The following ZNF721 variants were observed in gnomAD, a reference collection of about 807,000 sequenced individuals.
ZNF721 encodes the protein zinc finger protein 721.
Under a neutral mutation model 2.4 loss-of-function variants are expected in ZNF721, and 2 were observed. The ratio of observed to expected loss-of-function variants is 0.82; its 90% CI spans 0.34 to 2.58. ZNF721 has a LOEUF of 2.58. Ranked by LOEUF, ZNF721 falls within the 30% of genes most tolerant of loss-of-function variation. ZNF721 has a pLI of 0.11. For missense variants in ZNF721, 1,187 were observed against 1,085.5 expected (o/e 1.09, Z -1.31); for synonymous variants, 398 against 381.8 (o/e 1.04, Z -0.50).
intron 1 of ZNF721, among the ~76,000 whole-genome samples, chr4:493,134 T>C: frequency 6.6e-6 from 1 of 151,558 alleles, no homozygotes. Context: ...TAATTTAAAG[T>C]TGTGAAACCG....
At chr4:495,609 C>CT (rs201123776) in intron 1 of ZNF721, among the ~76,000 whole-genome samples, 27,701 of 148,848 alleles carry the variant, frequency 0.19, 2,974 homozygotes, top group Middle Eastern at 0.27. Flanking sequence ...GCCATTTCTT[C>CT]TTTTTTTTTT....
intron 2 of ZNF721, among the ~76,000 whole-genome samples, 165 bp from the exon 3 acceptor site, chr4:444,597 G>A (rs1184532493): frequency 6.6e-6 from 1 of 152,138 alleles, no homozygotes; most frequent in Non-Finnish European, 1.5e-5. Context: ...TGATCAAAAT[G>A]CCTTTGTGTG....
chr4:466,170 T>C (rs1348979695), intron 2 of ZNF721, among the ~76,000 whole-genome samples: 1 of 149,852 alleles, frequency 6.7e-6, no homozygotes, highest in East Asian at 2.0e-4. Flanking sequence ...CTTTACCTAA[T>C]GATTTCTGTG....
chr4:474,955 G>A lies in ZNF721; in HGVS notation c.-93-2254C>T, dbSNP rs550352919. ...TGTAATCCTAGCACTTTGGGAGGCC[G>A]GGGCGGGTGGATCACGAGGTCCGGA... On this transcript the variant is annotated intron_variant, in intron 1 of 2. Transcript: ENST00000511833. Among the ~76,000 whole-genome samples, 10 of 152,164 alleles carry A rather than the reference G, an allele frequency of 6.6e-5. No individual in the cohort carries two copies. In the South Asian group the frequency reaches 1.9e-3, roughly 28 times the overall value.
intron 1 of ZNF721, among the ~76,000 whole-genome samples, chr4:489,791 A>G (rs1715978386): frequency 6.6e-6 from 1 of 152,224 alleles, no homozygotes; most frequent in South Asian, 2.1e-4. Context: ...GAATCAGATC[A>G]GAAATATACC....
chr4:494,312 G>A lies in ZNF721; in HGVS notation c.-94+4744C>T, dbSNP rs187965877. On this transcript the variant is annotated intron_variant, in intron 1 of 2. Coordinates refer to ENST00000511833, the MANE Select transcript of ZNF721 (RefSeq NM_133474.4). Reference sequence around the variant, plus strand: ...TTCTCCTGCTGCAACCTCCCGAGTAGCTGGGACTACAGGCGCCCGCCACCA... The same window carrying A: ...TTCTCCTGCTGCAACCTCCCGAGTAACTGGGACTACAGGCGCCCGCCACCA... Among the ~76,000 whole-genome samples, 88 of 151,728 alleles carry A rather than the reference G, an allele frequency of 5.8e-4. 1 individual carries two copies. The highest frequency in any genetic ancestry group is 2.0e-3 in the African/African-American group (82 of 41,370).
intron 1 of ZNF721, chr4:474,244 G>C (rs2108714023): frequency 5.5e-6 from 2 of 366,584 alleles, no homozygotes; most frequent in East Asian, 1.4e-4. Flanking sequence ...TATGGGTCCA[G>C]GCTTCACGCC....
At chr4:451,459 T>C (rs575750992) in intron 2 of ZNF721, among the ~76,000 whole-genome samples, 82 of 152,268 alleles carry the variant, frequency 5.4e-4, no homozygotes, top group African/African-American at 1.9e-3. Flanking sequence ...TAGGGTCTCA[T>C]AGCATGACGA....
intron 2 of ZNF721, among the ~76,000 whole-genome samples, chr4:464,881 CATCAT>C (rs1715193475): frequency 1.3e-5 from 2 of 150,652 alleles, no homozygotes; most frequent in African/African-American, 2.4e-5. Flanking sequence ...AGATCGAAAC[CATCAT>C]GGCTAACACA....
At chr4:474,703 C>T (rs1715579448) in intron 1 of ZNF721, among the ~76,000 whole-genome samples, 1 of 151,734 alleles carries the variant, frequency 6.6e-6, no homozygotes, top group Non-Finnish European at 1.5e-5. Flanking sequence ...GGTGAAACCC[C>T]GTCTCTACTA....
chr4:491,562 C>A (rs1412773850), intron 1 of ZNF721, among the ~76,000 whole-genome samples: 1 of 152,156 alleles, frequency 6.6e-6, no homozygotes, highest in Non-Finnish European at 1.5e-5. Context: ...TAAATACAGG[C>A]AACAGGTAGA....
rs1714215029 is a variant in ZNF721, at chr4:441,003, T to G, written c.*692A>C. 1.3e-5 allele frequency: 2 copies of G among 152,184 alleles called. No homozygotes were observed. The highest frequency in any genetic ancestry group is 4.8e-5 in the African/African-American group (2 of 41,388). 9.4% of individuals were successfully genotyped at this position (152,184 alleles called of 1,614,324 possible). ...ACCTGCAGTTTCTGAACAGAGGTTT[T>G]TCCACATTTATTACATTTGTAGGAT... On this transcript the variant is annotated 3_prime_UTR_variant, in exon 3 of 3. Transcript: ENST00000511833.
At chr4:449,628 T>G (rs1170951749) in intron 2 of ZNF721, among the ~76,000 whole-genome samples, 1 of 151,768 alleles carries the variant, frequency 6.6e-6, no homozygotes, top group Non-Finnish European at 1.5e-5. Context: ...GACAGCAGAG[T>G]GAAGAGATAA....
chr4:463,115 CAAA>C (rs1715120971), intron 2 of ZNF721, among the ~76,000 whole-genome samples: 1 of 152,144 alleles, frequency 6.6e-6, no homozygotes, highest in Admixed American at 6.5e-5. Flanking sequence ...AGACAGTTCT[CAAA>C]AGAAGACATT....
intron 1 of ZNF721, among the ~76,000 whole-genome samples, chr4:473,797 G>A (rs1267161789): frequency 6.6e-6 from 1 of 152,218 alleles, no homozygotes; most frequent in African/African-American, 2.4e-5. Context: ...GCTGCAGGCT[G>A]GGCCAGAGCA....
chr4:491,826 T>C (rs1553871497), intron 1 of ZNF721, among the ~76,000 whole-genome samples: 1 of 151,752 alleles, frequency 6.6e-6, no homozygotes, highest in Non-Finnish European at 1.5e-5. Context: ...TAAAAGCACA[T>C]ACAGAAAGAT....
rs1411923653 is a variant in ZNF721, at chr4:444,202, C to T, written c.265G>A (p.Val89Ile). The change falls in exon 3 of 3, where the codon GTT (valine) becomes ATT (isoleucine). Residue 89 changes from valine (V) to isoleucine (I), a missense_variant. Val to Ile is a conservative substitution (Grantham distance 29). Transcript: ENST00000511833. ...KIFQCNARVK[V>I]FSKFANSNKD... ...TTTGAATTTGCAAATTTACTAAAAA[C>T]TTTGACACGTGCATTACATTGAAAT... 6.2e-7 allele frequency: 1 copy of T among 1,613,764 alleles called. No individual in the cohort carries two copies. The highest frequency in any genetic ancestry group is 1.7e-5 in the Admixed American group (1 of 60,006).
At chr4:446,331 T>C (rs1714471674) in intron 2 of ZNF721, among the ~76,000 whole-genome samples, 1 of 151,932 alleles carries the variant, frequency 6.6e-6, no homozygotes, top group Non-Finnish European at 1.5e-5. Context: ...CATAAAAATA[T>C]GATTACTGAC....
chr4:458,952 ATC>A (rs1270191655), intron 2 of ZNF721, among the ~76,000 whole-genome samples: 119 of 152,330 alleles, frequency 7.8e-4, no homozygotes, highest in African/African-American at 2.7e-3. Flanking sequence ...CTAACAGCAG[ATC>A]TCTCTGCAGA....
Sources: allele counts gnomAD v4.1 joint callset (sites outside exome capture counted in the v4.1 genomes callset), GRCh38; gene constraint gnomAD v4.1.1; transcripts MANE v1.5; gene names NCBI Gene and HGNC (gene_info 2026-07-23, HGNC 2026-07-21).